TTC13: variants seen among roughly 807,000 people sequenced by gnomAD.
TTC13 encodes the protein tetratricopeptide repeat protein 13.
TTC13 carries 62 observed loss-of-function variants against 120.0 expected under a neutral mutation model. The ratio of observed to expected loss-of-function variants is 0.52; its 90% CI spans 0.42 to 0.64. The LOEUF (loss-of-function observed/expected upper bound fraction) is 0.64, where lower values mean the gene tolerates loss of function less well. Among genes scored for constraint, TTC13 ranks in the 30% least tolerant of loss-of-function variants. The probability of loss-of-function intolerance (pLI) is 0.00; values close to 1 mark genes in which losing one functional copy is unlikely to be tolerated. For synonymous variants in TTC13, 384 were observed against 393.5 expected, an observed-to-expected ratio of 0.98 and a Z score of 0.28; for missense variants, 824 against 1,050.2, an observed-to-expected ratio of 0.78 and a Z score of 2.98.
At chr1:230,945,649 A>C (rs551385998) in intron 4 of TTC13, among the ~76,000 whole-genome samples, 195 bp from the exon 5 acceptor site, 1 of 152,310 alleles carries the variant, frequency 6.6e-6, no homozygotes, top group African/African-American at 2.4e-5. Context: ...ATGTGATAAA[A>C]GTTTCATGTT....
intron 8 of TTC13, 41 bp from the exon 9 acceptor site, chr1:230,933,902 G>T (rs756476404): frequency 1.5e-6 from 2 of 1,310,166 alleles, no homozygotes; most frequent in Non-Finnish European, 2.2e-6. Flanking sequence ...TTGCATAATT[G>T]TTAAAATTGA....
chr1:230,976,895 T>C (rs1039306550), intron 1 of TTC13, among the ~76,000 whole-genome samples: 1 of 152,204 alleles, frequency 6.6e-6, no homozygotes, highest in Non-Finnish European at 1.5e-5. Flanking sequence ...AATCGATACA[T>C]ACCTTCTACT....
intron 20 of TTC13, 152 bp downstream of exon 20, chr1:230,911,318 G>C (rs1671475729): frequency 3.7e-6 from 2 of 538,216 alleles, no homozygotes; most frequent in South Asian, 3.1e-5. Flanking sequence ...GATAGACTAA[G>C]GAAATATTTT....
rs1019030526 is a variant in TTC13, at chr1:230,911,472, G to T, written c.2307C>A (p.Ser769=). 3.2e-6 allele frequency: 5 copies of T among 1,584,128 alleles called. No individual in the cohort carries two copies. Among genetic ancestry groups the T allele is most frequent in the Non-Finnish European group, 4.3e-6 (5 of 1,164,774 alleles). ...TTTAATGACAGGATATTACTTACCT[G>T]GATCCTCGAGAGAGTGGCATTAAAT... is the stretch of plus-strand genomic sequence containing the variant. ...FYNLMPLSRG[S]SVIAYSVIVG... is the part of the protein sequence containing the mutation. Residue 769 remains serine, a splice_region_variant and synonymous_variant, in exon 20 of 23, where the codon TCC becomes TCA. Transcript: ENST00000366661.
chr1:230,910,913 C>T (rs577000962), intron 20 of TTC13, among the ~76,000 whole-genome samples: 117 of 152,154 alleles, frequency 7.7e-4, no homozygotes, highest in Admixed American at 1.6e-3. Context: ...TGGCAAAAGG[C>T]CATTTACATA....
At position 230,913,803 on chromosome 1, in the gene TTC13, T is replaced by C. The variant is rs112788112; in HGVS notation, c.2094-1045A>G. Among the ~76,000 whole-genome samples the C allele has an allele frequency of 3.1e-3, 469 of 152,182 alleles. 4 individuals are homozygous for C. The highest frequency in any genetic ancestry group is 0.011 in the African/African-American group (439 of 41,532). ...GGGATGGGAGTGAGAGACCCAGACA[T>C]TGGAAAGCAGGGGTGAACTGGGGAA... On this transcript the variant is annotated intron_variant, in intron 18 of 22. Transcript: ENST00000366661.
chr1:230,911,344 G>A, intron 20 of TTC13, 126 bp downstream of exon 20: 1 of 591,290 alleles, frequency 1.7e-6, no homozygotes, highest in Non-Finnish European at 2.8e-6. Context: ...GCAGATTTTG[G>A]AAAAAAATAG....
intron 9 of TTC13, 23 bp from the exon 10 acceptor site, chr1:230,931,900 G>T: frequency 6.2e-7 from 1 of 1,609,954 alleles, no homozygotes. Context: ...TAATAGTTAT[G>T]AATACAGTAT....
intron 6 of TTC13, among the ~76,000 whole-genome samples, chr1:230,941,410 C>G (rs936293295): frequency 5.9e-5 from 9 of 152,138 alleles, no homozygotes; most frequent in African/African-American, 1.9e-4. Flanking sequence ...ATCCTCCTAC[C>G]TCAGCCTCTT....
intron 8 of TTC13, among the ~76,000 whole-genome samples, chr1:230,937,618 C>G (rs1445033810): frequency 6.6e-6 from 1 of 152,228 alleles, no homozygotes; most frequent in East Asian, 1.9e-4. Context: ...CCTCCACATA[C>G]TTCCAAAAGG....
rs370012147 is a variant in TTC13 at position 230,925,657 on chromosome 1, A to G, written c.1458-10T>C. The stretch of plus-strand genomic sequence containing the variant: ...CTGATGTAACACATCTCTGGAAGAA[A>G]CATCATGTACATGATAAGGACTTTT... On this transcript the variant is annotated splice_polypyrimidine_tract_variant and intron_variant, in intron 12 of 22. Transcript: ENST00000366661. 1.2e-6 allele frequency: 2 copies of G among 1,613,472 alleles called. No homozygotes were observed. The highest frequency in any genetic ancestry group is 2.2e-5 in the East Asian group (1 of 44,850).
chr1:230,955,487 C>A (rs1675976814), intron 3 of TTC13, among the ~76,000 whole-genome samples: 1 of 149,640 alleles, frequency 6.7e-6, no homozygotes, highest in Admixed American at 6.6e-5. Context: ...CACGGTGAAA[C>A]CCCGTCTCTA....
At chr1:230,917,821 T>C (rs1484037660) in intron 17 of TTC13, among the ~76,000 whole-genome samples, 2 of 152,242 alleles carry the variant, frequency 1.3e-5, no homozygotes, top group Non-Finnish European at 2.9e-5. Context: ...CGTTGTATTC[T>C]GCCTAATACC....
intron 4 of TTC13, among the ~76,000 whole-genome samples, chr1:230,946,373 T>G (rs1369179507): frequency 6.6e-6 from 1 of 152,188 alleles, no homozygotes; most frequent in Non-Finnish European, 1.5e-5. Flanking sequence ...AGCTAGGGTA[T>G]CTGCCAGTAT....
At chr1:230,972,548 TAA>T (rs1677873951) in intron 1 of TTC13, among the ~76,000 whole-genome samples, 1 of 152,216 alleles carries the variant, frequency 6.6e-6, no homozygotes, top group South Asian at 2.1e-4. Context: ...GGAGAAGGTT[TAA>T]AAGTCAGTCA....
At chr1:230,914,465 G>A (rs2102751881) in intron 18 of TTC13, among the ~76,000 whole-genome samples, 1 of 152,066 alleles carries the variant, frequency 6.6e-6, no homozygotes, top group East Asian at 1.9e-4. Context: ...CATGATCTCG[G>A]CTCACTGCAA....
At position 230,949,530 on chromosome 1, in the gene TTC13, G is replaced by A. The variant is rs564479935; in HGVS notation, c.514-4076C>T. Among the ~76,000 whole-genome samples the A allele has an allele frequency of 5.3e-4, 80 of 150,730 alleles. 3 individuals carry two copies. Among genetic ancestry groups the A allele is most frequent in the African/African-American group, 1.9e-3 (76 of 40,968 alleles). On this transcript the variant is annotated intron_variant, in intron 4 of 22. Coordinates refer to ENST00000366661, the MANE Select transcript of TTC13 (RefSeq NM_024525.5). Reference sequence around the variant, plus strand: ...ATGTGTGCCCCACACAGAGGCCCTCGCACGGGCCTCCCCTCAAGTCACCCC... The same window carrying A: ...ATGTGTGCCCCACACAGAGGCCCTCACACGGGCCTCCCCTCAAGTCACCCC...
intron 18 of TTC13, 123 bp from the exon 19 acceptor site, chr1:230,912,881 C>G (rs1002931517): frequency 1.2e-6 from 1 of 838,668 alleles, no homozygotes. Flanking sequence ...AAGAATGTAC[C>G]TTACCTTTCT....
chr1:230,976,631 G>A (rs900896659), intron 1 of TTC13, among the ~76,000 whole-genome samples: 4 of 152,222 alleles, frequency 2.6e-5, no homozygotes, highest in African/African-American at 9.6e-5. Context: ...GACTCAGGTC[G>A]TTCATTTGCA....
Sources: allele counts gnomAD v4.1 joint callset (sites outside exome capture counted in the v4.1 genomes callset), GRCh38; gene constraint gnomAD v4.1.1; transcripts MANE v1.5; gene names NCBI Gene and HGNC (gene_info 2026-07-23, HGNC 2026-07-21).